The following CD4 variants were observed in gnomAD, a reference collection of about 807,000 sequenced individuals.
CD4 encodes the protein CD4 molecule, also known as T-cell surface glycoprotein CD4.
A neutral mutation model predicts 50.5 loss-of-function variants in CD4; 25 were observed. The ratio of observed to expected loss-of-function variants is 0.49; its 90% CI spans 0.36 to 0.69. The LOEUF (loss-of-function observed/expected upper bound fraction) is 0.69, where lower values mean the gene tolerates loss of function less well. Ranked by LOEUF, CD4 falls within the 30% of genes least tolerant of loss-of-function variation. The pLI, the probability that CD4 is intolerant of heterozygous loss-of-function variation, is 0.00. For missense variants in CD4, 456 were observed against 548.5 expected (o/e 0.83, Z 1.68); for synonymous variants, 207 against 221.9 (o/e 0.93, Z 0.60).
intron 3 of CD4, among the ~76,000 whole-genome samples, chr12:6,806,373 C>T (rs782129896): frequency 5.3e-5 from 8 of 151,782 alleles, no homozygotes; most frequent in Non-Finnish European, 4.4e-5. Flanking sequence ...GTATTCCCAA[C>T]GACACAGGAG....
Position 6,792,681 on chromosome 12 carries a change from CAAAG to C in CD4, c.-68+3020_-68+3023del, listed in dbSNP as rs1446502115. Among the ~76,000 whole-genome samples, 2 of 152,202 alleles carry C rather than the reference CAAAG, an allele frequency of 1.3e-5. No homozygotes were observed. Among genetic ancestry groups the C allele is most frequent in the African/African-American group, 4.8e-5 (2 of 41,454 alleles). On this transcript the variant is annotated intron_variant, in intron 1 of 9. Transcript: ENST00000011653. This position sits in a 1 kb window ranked among gnomAD's most constrained non-coding sequence, Gnocchi z 4.1. ...CGTGCTCGGCAGGCTCCCCACAGAT[CAAAG>C]CTTGTCCAGGGTCTGCATTGCTGCC... is the stretch of plus-strand genomic sequence containing the variant.
intron 3 of CD4, among the ~76,000 whole-genome samples, chr12:6,809,689 A>C (rs1555116729): frequency 6.6e-6 from 1 of 151,960 alleles, no homozygotes; most frequent in African/African-American, 2.4e-5. Context: ...TGCTTTGCAC[A>C]TGCCACATCC....
rs1159616298 is a variant in CD4 at position 6,792,143 on chromosome 12, G to T, written c.-68+2481G>T. ...CAGTAGAGAGGGTGAACGCGGTGGG[G>T]CACATCCCGCGGCTGGGCTTGAGTG... On this transcript the variant is annotated intron_variant, in intron 1 of 9. Coordinates refer to ENST00000011653, the MANE Select transcript of CD4 (RefSeq NM_000616.5). The surrounding 1 kb of genome is among the most constrained non-coding windows in gnomAD (Gnocchi z 4.1). 1.3e-5 allele frequency among the ~76,000 whole-genome samples: 2 copies of T among 152,160 alleles called. No individual in the cohort carries two copies. Among genetic ancestry groups the T allele is most frequent in the African/African-American group, 4.8e-5 (2 of 41,428 alleles).
At position 6,816,736 on chromosome 12, in the gene CD4, C is replaced by T. The variant is rs182351374; in HGVS notation, c.955+333C>T. 2.0e-5 allele frequency among the ~76,000 whole-genome samples: 3 copies of T among 152,336 alleles called. No individual in the cohort carries two copies. The highest frequency in any genetic ancestry group is 7.2e-5 in the African/African-American group (3 of 41,580). On this transcript the variant is annotated intron_variant, in intron 6 of 9. Transcript: ENST00000011653. This position sits in a 1 kb window ranked among gnomAD's most constrained non-coding sequence, Gnocchi z 4.9. Reference sequence around the variant, plus strand: ...TGTCTAATAAGGATAATGAAATCTGCTCTCTGTGTGATAGTAATGATGATA... The same window carrying T: ...TGTCTAATAAGGATAATGAAATCTGTTCTCTGTGTGATAGTAATGATGATA...
At chr12:6,808,337 A>C (rs1315682432) in intron 3 of CD4, among the ~76,000 whole-genome samples, 14 of 143,082 alleles carry the variant, frequency 9.8e-5, no homozygotes, top group Admixed American at 2.2e-4. Flanking sequence ...CTGTAGTTGC[A>C]GCTACTTGGG....
At chr12:6,811,491 C>CTTTTTTTTTTTTTTTTTTTT (rs11318741) in intron 3 of CD4, among the ~76,000 whole-genome samples, 2 of 111,024 alleles carry the variant, frequency 1.8e-5, no homozygotes, top group African/African-American at 3.9e-5. Flanking sequence ...TTTTCTTTTT[C>CTTTTTTTTTTTTTTTTTTTT]TTTTTTTTTT....
rs28990972 is a variant in CD4, at chr12:6,820,788, C to T, written c.*1459C>T. 5 of 150,990 alleles carry T rather than the reference C, an allele frequency of 3.3e-5. No individual in the cohort carries two copies. Among genetic ancestry groups the T allele is most frequent in the African/African-American group, 1.2e-4 (5 of 40,944 alleles). The allele number at this position is 150,990 out of a possible 1,614,324, so 9.4% of individuals were successfully genotyped here. On this transcript the variant is annotated 3_prime_UTR_variant, in exon 10 of 10. Coordinates refer to ENST00000011653, the MANE Select transcript of CD4 (RefSeq NM_000616.5). Reference sequence around the variant, plus strand: ...GCTCCCCTGAGCTGAAATAAAAATACAATAAACTTACTATAAAGATGCTCT... The same window carrying T: ...GCTCCCCTGAGCTGAAATAAAAATATAATAAACTTACTATAAAGATGCTCT...
chr12:6,806,180 CACAT>C (rs1215236517), intron 3 of CD4, among the ~76,000 whole-genome samples: 1 of 94,252 alleles, frequency 1.1e-5, no homozygotes, highest in African/African-American at 3.6e-5. Flanking sequence ...CACACACACA[CACAT>C]ACACAAGTAT....
At chr12:6,810,359 CAG>C (rs782467832) in intron 3 of CD4, among the ~76,000 whole-genome samples, 5 of 152,172 alleles carry the variant, frequency 3.3e-5, no homozygotes, top group African/African-American at 4.8e-5. Flanking sequence ...AGCAAGGAGG[CAG>C]AGTTATTTTA....
Position 6,816,507 on chromosome 12 carries a change from C to A in CD4, c.955+104C>A. 1.1e-6 allele frequency: 1 copy of A among 932,224 alleles called. No homozygotes were observed. The highest frequency in any genetic ancestry group is 1.6e-6 in the Non-Finnish European group (1 of 627,490). The allele number at this position is 932,224 out of a possible 1,614,324, so 57.7% of individuals were successfully genotyped here. A position where few individuals can be genotyped will look rare whatever the true frequency, so the allele number is the denominator to read the frequency against. Reference sequence around the variant, plus strand: ...CAGGCCCCAAGAGGGGATGCCTAGGCCCTGGTCACCTGGATGAAGTGAGGG... The same window carrying A: ...CAGGCCCCAAGAGGGGATGCCTAGGACCTGGTCACCTGGATGAAGTGAGGG... On this transcript the variant is annotated intron_variant, in intron 6 of 9. Coordinates refer to ENST00000011653, the MANE Select transcript of CD4 (RefSeq NM_000616.5). The surrounding 1 kb of genome is among the most constrained non-coding windows in gnomAD (Gnocchi z 4.9).
chr12:6,793,692 C>G (rs865859096), intron 1 of CD4, among the ~76,000 whole-genome samples: 1 of 54,288 alleles, frequency 1.8e-5, no homozygotes, highest in Non-Finnish European at 3.8e-5. Context: ...ATCTATCTAT[C>G]TATCTATCTA....
Position 6,791,135 on chromosome 12 carries a change from C to G in CD4, c.-68+1473C>G, listed in dbSNP as rs1942145876. Among the ~76,000 whole-genome samples the G allele has an allele frequency of 1.3e-5, 2 of 152,246 alleles. 1 individual carries two copies. Among genetic ancestry groups the G allele is most frequent in the South Asian group, 4.1e-4 (2 of 4,828 alleles). ...TATATCTAGATAAAAACTCCTCCCACCACTGGTGCTAGACAGAGCTTGGGG... is the reference window on the plus strand; with the variant it reads ...TATATCTAGATAAAAACTCCTCCCAGCACTGGTGCTAGACAGAGCTTGGGG... On this transcript the variant is annotated intron_variant, in intron 1 of 9. Transcript: ENST00000011653.
intron 9 of CD4, 113 bp from the exon 10 acceptor site, chr12:6,819,186 C>T: frequency 9.2e-7 from 1 of 1,081,828 alleles, no homozygotes; most frequent in Non-Finnish European, 1.4e-6. Context: ...CAGGAAAGGC[C>T]CTGCTGGAAA....
intron 3 of CD4, among the ~76,000 whole-genome samples, chr12:6,812,508 T>C (rs1421236384): frequency 6.6e-6 from 1 of 152,094 alleles, no homozygotes; most frequent in Non-Finnish European, 1.5e-5. Context: ...GGAGAAACCC[T>C]GTCTCTACTG....
intron 1 of CD4, among the ~76,000 whole-genome samples, chr12:6,798,301 C>A (rs1414459204): frequency 9.2e-5 from 11 of 119,438 alleles, no homozygotes; most frequent in African/African-American, 3.4e-4. Context: ...TCCCGAGTAG[C>A]TGGGACTACA....
At position 6,801,803 on chromosome 12, in the gene CD4, A is replaced by G. The variant is rs1377874985; in HGVS notation, c.214+1332A>G. ...TCTTGATCTCCTGACCTCGTGATTT[A>G]CCCTCCTTGGCCTCCCAAAGTGCTG... On this transcript the variant is annotated intron_variant, in intron 3 of 9. Transcript: ENST00000011653. Among the ~76,000 whole-genome samples, 10 of 146,178 alleles carry G rather than the reference A, an allele frequency of 6.8e-5. No individual in the cohort carries two copies. In the South Asian group the frequency reaches 2.2e-3, roughly 32 times the overall value.
intron 1 of CD4, chr12:6,799,447 CTG>C (rs1942470191): frequency 6.6e-6 from 1 of 152,308 alleles, no homozygotes; most frequent in African/African-American, 2.4e-5. Context: ...GATATGCACT[CTG>C]TAGGCATGAA....
chr12:6,793,153 G>T (rs973376463), intron 1 of CD4, among the ~76,000 whole-genome samples: 1 of 152,142 alleles, frequency 6.6e-6, no homozygotes, highest in Non-Finnish European at 1.5e-5. Flanking sequence ...ACCAAAGCAA[G>T]CATGCTGGAA....
intron 3 of CD4, chr12:6,813,735 A>G (rs1395473223): frequency 6.3e-6 from 1 of 159,544 alleles, no homozygotes; most frequent in African/African-American, 2.4e-5. Flanking sequence ...AATGTGTGAG[A>G]GTTGGGTAAT....
Sources: gnomAD v4.1 joint callset for allele counts (sites outside exome capture counted in the v4.1 genomes callset) on GRCh38, gnomAD v4.1.1 for gene constraint, Gnocchi (gnomAD v3.1) non-coding constraint, MANE v1.5 for transcripts, NCBI Gene and HGNC (gene_info 2026-07-23, HGNC 2026-07-21) for gene names.